ADCY5: variants seen among roughly 807,000 people sequenced by gnomAD.
The protein encoded by ADCY5 is adenylate cyclase 5, also known as adenylate cyclase type 5.
A neutral mutation model predicts 119.7 loss-of-function variants in ADCY5; 30 were observed. The observed-to-expected ratio is 0.25, with a 90% CI of 0.19 to 0.34. The LOEUF is 0.34. ADCY5 is among the 10% of genes least tolerant of loss of function. The pLI, the probability that ADCY5 is intolerant of heterozygous loss-of-function variation, is 1.00. For synonymous variants in ADCY5, 753 were observed against 762.2 expected, an observed-to-expected ratio of 0.99 and a Z score of 0.20; for missense variants, 1,324 against 1,775.2, an observed-to-expected ratio of 0.75 and a Z score of 4.57.
intron 8 of ADCY5, among the ~76,000 whole-genome samples, chr3:123,323,550 T>C (rs1178944794): frequency 2.0e-5 from 3 of 151,960 alleles, no homozygotes; most frequent in African/African-American, 7.3e-5. Flanking sequence ...CTCCCTGCCC[T>C]ACTCCCCAGC....
chr3:123,291,078 C>T (rs759256955), intron 18 of ADCY5, 35 bp downstream of exon 18: 8 of 1,584,600 alleles, frequency 5.0e-6, no homozygotes, highest in Non-Finnish European at 6.9e-6. Flanking sequence ...AGGCCCCTCC[C>T]AGGAACACAG....
At chr3:123,288,274 G>C (rs951414316) in intron 19 of ADCY5, among the ~76,000 whole-genome samples, 2 of 152,190 alleles carry the variant, frequency 1.3e-5, no homozygotes, top group African/African-American at 2.4e-5. Flanking sequence ...CCAATATTTC[G>C]GTATAATGTG....
At chr3:123,340,608 G>T in intron 3 of ADCY5, among the ~76,000 whole-genome samples, 1 of 152,084 alleles carries the variant, frequency 6.6e-6, no homozygotes, top group Admixed American at 6.6e-5. Context: ...GTAAGTTCTT[G>T]CTGGCTGCTG....
Position 123,447,920 on chromosome 3 carries a change from C to A in ADCY5, c.626G>T (p.Cys209Phe). ...PGAVLSLGAC[C>F]LALLQIFRSK... ...GCGGAATATCTGCAGCAACGCCAGG[C>A]AGCAGGCGCCCAGGGACAGCACCGC... The change falls in exon 1 of 21, where the codon TGC becomes TTC. Residue 209 changes from cysteine to phenylalanine, a missense_variant. By Grantham distance (205) the Cys-to-Phe change is radical. Transcript: ENST00000462833. 6.2e-7 allele frequency: 1 copy of A among 1,606,644 alleles called. No homozygotes were observed. Among genetic ancestry groups the A allele is most frequent in the East Asian group, 2.2e-5 (1 of 44,626 alleles).
intron 1 of ADCY5, among the ~76,000 whole-genome samples, chr3:123,376,039 T>G (rs1225468421): frequency 1.3e-5 from 2 of 151,216 alleles, no homozygotes; most frequent in Non-Finnish European, 2.9e-5. Flanking sequence ...TGAAAGGCCT[T>G]AATCCGCCTG....
At chr3:123,443,257 A>G (rs1386670382) in intron 1 of ADCY5, among the ~76,000 whole-genome samples, 2 of 152,012 alleles carry the variant, frequency 1.3e-5, no homozygotes, top group African/African-American at 2.4e-5. Context: ...GAAGAGCCCC[A>G]GGTACTTACT....
At chr3:123,431,242 A>G (rs1945515766) in intron 1 of ADCY5, among the ~76,000 whole-genome samples, 1 of 152,228 alleles carries the variant, frequency 6.6e-6, no homozygotes, top group African/African-American at 2.4e-5. Context: ...CACAAAGACT[A>G]ATGAACACTG....
chr3:123,328,902 CAA>C (rs1258424620), intron 5 of ADCY5, 100 bp from the exon 6 acceptor site: 1 of 1,241,170 alleles, frequency 8.1e-7, no homozygotes, highest in Non-Finnish European at 1.1e-6. Flanking sequence ...GTGCGGGGGT[CAA>C]AGAGTCTTCT....
At chr3:123,393,669 G>A (rs779467603) in intron 1 of ADCY5, among the ~76,000 whole-genome samples, 3 of 152,098 alleles carry the variant, frequency 2.0e-5, no homozygotes, top group African/African-American at 7.2e-5. Flanking sequence ...CATATGGCCC[G>A]GCAGGTGCTT....
intron 12 of ADCY5, among the ~76,000 whole-genome samples, chr3:123,307,833 T>C (rs755872792): frequency 1.2e-4 from 19 of 152,168 alleles, no homozygotes; most frequent in Non-Finnish European, 1.9e-4. Flanking sequence ...GAATAGAGTA[T>C]GCACATTAGC....
At chr3:123,347,674 T>C (rs976622479) in intron 3 of ADCY5, 108 bp downstream of exon 3, 63 of 1,451,842 alleles carry the variant, frequency 4.3e-5, no homozygotes, top group Non-Finnish European at 5.3e-5. Context: ...CACTCCAAAG[T>C]CACCAAGCCA....
intron 11 of ADCY5, among the ~76,000 whole-genome samples, chr3:123,316,634 TAGA>T (rs1028606829): frequency 1.3e-5 from 2 of 152,194 alleles, no homozygotes; most frequent in Non-Finnish European, 2.9e-5. Context: ...AAGCATGGCT[TAGA>T]AGATTTAACC....
At chr3:123,388,416 CA>C (rs1375332083) in intron 1 of ADCY5, among the ~76,000 whole-genome samples, 1 of 152,024 alleles carries the variant, frequency 6.6e-6, no homozygotes, top group Non-Finnish European at 1.5e-5. Context: ...AGAAGAGAGG[CA>C]GTGGAGGAGC....
In ADCY5 at chr3:123,448,991, A is replaced by C. The variant is rs974376399; in HGVS notation, c.-446T>G. On this transcript the variant is annotated 5_prime_UTR_variant, in exon 1 of 21. Coordinates refer to ENST00000462833, the MANE Select transcript of ADCY5 (RefSeq NM_183357.3). ...CGCTGATTCCGCCTAAGCGGAGCCCAGCTGCTCTCGGGGCTCGGCGGCGGC... is the reference window on the plus strand; with the variant it reads ...CGCTGATTCCGCCTAAGCGGAGCCCCGCTGCTCTCGGGGCTCGGCGGCGGC... The C allele has an allele frequency of 5.0e-5, 8 of 159,240 alleles. No homozygotes were observed. The highest frequency in any genetic ancestry group is 1.9e-4 in the African/African-American group (8 of 41,566). The allele number at this position is 159,240 out of a possible 1,614,324, so 9.9% of individuals were successfully genotyped here. A position where few individuals can be genotyped will look rare whatever the true frequency, so the allele number is the denominator to read the frequency against.
At chr3:123,432,977 T>C (rs1300626831) in intron 1 of ADCY5, among the ~76,000 whole-genome samples, 2 of 152,230 alleles carry the variant, frequency 1.3e-5, no homozygotes, top group Non-Finnish European at 2.9e-5. Context: ...GGGCACTATC[T>C]GCCTTCCTCC....
At chr3:123,304,205 A>T in intron 12 of ADCY5, 22 bp from the exon 13 acceptor site, 3 of 683,014 alleles carry the variant, frequency 4.4e-6, no homozygotes, top group Non-Finnish European at 7.8e-6. Flanking sequence ...GCAGGGGTGG[A>T]GAGGGAGGGA....
chr3:123,413,379 G>A (rs1308517033), intron 1 of ADCY5, among the ~76,000 whole-genome samples: 2 of 152,210 alleles, frequency 1.3e-5, no homozygotes, highest in African/African-American at 4.8e-5. Flanking sequence ...AAGGAAGGGT[G>A]GTTGATTTCT....
chr3:123,311,510 G>A (rs1405108948), intron 12 of ADCY5, among the ~76,000 whole-genome samples: 1 of 152,198 alleles, frequency 6.6e-6, no homozygotes, highest in East Asian at 1.9e-4. Flanking sequence ...AAAGAGGGAA[G>A]AAGAAGAATT....
At chr3:123,334,742 T>C (rs1028030270) in intron 3 of ADCY5, among the ~76,000 whole-genome samples, 3 of 152,022 alleles carry the variant, frequency 2.0e-5, no homozygotes, top group African/African-American at 7.3e-5. Flanking sequence ...TCTCAAATAA[T>C]AATGAATAAA....
Sources: gnomAD v4.1 joint callset for allele counts (sites outside exome capture counted in the v4.1 genomes callset) on GRCh38, gnomAD v4.1.1 for gene constraint, MANE v1.5 for transcripts, NCBI Gene and HGNC (gene_info 2026-07-23, HGNC 2026-07-21) for gene names.